The following TTC27 variants were observed in gnomAD, a reference collection of about 807,000 sequenced individuals.
TTC27 encodes the protein tetratricopeptide repeat protein 27.
In TTC27, 79 loss-of-function variants were observed where a neutral mutation model predicts 115.9. That is an observed-to-expected ratio of 0.68 (90% confidence interval 0.57 to 0.82). The LOEUF (loss-of-function observed/expected upper bound fraction) is 0.82, where lower values mean the gene tolerates loss of function less well. Ranked by LOEUF, TTC27 falls within the 40% of genes least tolerant of loss-of-function variation. The pLI is 0.00. For synonymous variants in TTC27, 401 were observed against 356.0 expected (o/e 1.13, Z -1.42); for missense variants, 1,054 against 993.1 (o/e 1.06, Z -0.82).
chr2:32,655,697 A>G (rs1448342005), intron 5 of TTC27, among the ~76,000 whole-genome samples: 1 of 149,224 alleles, frequency 6.7e-6, no homozygotes, highest in Non-Finnish European at 1.5e-5. Context: ...GAAGGAGCTC[A>G]TTTCATTGTT....
chr2:32,634,420 C>G (rs894258581), intron 3 of TTC27, among the ~76,000 whole-genome samples: 6 of 151,672 alleles, frequency 4.0e-5, no homozygotes, highest in African/African-American at 1.5e-4. Context: ...CTCAGCCTCC[C>G]AAGTAGTTGG....
chr2:32,809,214 A>T (rs1257799541), intron 16 of TTC27, among the ~76,000 whole-genome samples: 1 of 152,222 alleles, frequency 6.6e-6, no homozygotes, highest in African/African-American at 2.4e-5. Flanking sequence ...TTCTAGGAGG[A>T]GACAGCAAGA....
chr2:32,657,171 G>C (rs544894901), intron 5 of TTC27, among the ~76,000 whole-genome samples: 2 of 151,478 alleles, frequency 1.3e-5, no homozygotes, highest in African/African-American at 4.9e-5. Flanking sequence ...ATTTTCAGTA[G>C]AGACGGGGTT....
intron 18 of TTC27, among the ~76,000 whole-genome samples, chr2:32,815,005 T>C (rs1161658016): frequency 6.6e-6 from 1 of 152,170 alleles, no homozygotes; most frequent in African/African-American, 2.4e-5. Flanking sequence ...GATAAGATAT[T>C]GCGACCTTGA....
rs186775454 is a variant in TTC27 at position 32,790,165 on chromosome 2, T to C, written c.1998+3016T>C. Among the ~76,000 whole-genome samples, 6 of 152,162 alleles carry C rather than the reference T, an allele frequency of 3.9e-5. No homozygotes were observed. In the East Asian group the frequency reaches 1.2e-3, roughly 29 times the overall value. On this transcript the variant is annotated intron_variant, in intron 16 of 19. Transcript: ENST00000317907. ...TCTTAGCTTTTTACTCCTGTAATCATGGGGAATTTTCAATATAGCAAAATT... is the reference window on the plus strand; with the variant it reads ...TCTTAGCTTTTTACTCCTGTAATCACGGGGAATTTTCAATATAGCAAAATT...
intron 9 of TTC27, among the ~76,000 whole-genome samples, chr2:32,682,178 T>C (rs913314930): frequency 6.6e-6 from 1 of 152,074 alleles, no homozygotes; most frequent in Non-Finnish European, 1.5e-5. Context: ...GAATGAAATA[T>C]ATATCCTACA....
chr2:32,814,721 C>T (rs2148050285), intron 18 of TTC27, among the ~76,000 whole-genome samples: 1 of 152,268 alleles, frequency 6.6e-6, no homozygotes, highest in African/African-American at 2.4e-5. Flanking sequence ...TGATTGCCTG[C>T]AGTGTTCAGT....
intron 9 of TTC27, among the ~76,000 whole-genome samples, chr2:32,690,143 A>C (rs998405344): frequency 1.3e-5 from 2 of 152,224 alleles, no homozygotes; most frequent in Non-Finnish European, 2.9e-5. Flanking sequence ...GAAGAAAAAA[A>C]CATGGTTTTG....
At chr2:32,629,655 G>A (rs779561929) in intron 1 of TTC27, among the ~76,000 whole-genome samples, 4 of 146,166 alleles carry the variant, frequency 2.7e-5, no homozygotes, top group African/African-American at 7.6e-5. Flanking sequence ...TAGCCAGGAT[G>A]GTCTCGATCT....
intron 7 of TTC27, among the ~76,000 whole-genome samples, chr2:32,670,790 G>C (rs1665986009): frequency 6.6e-6 from 1 of 151,618 alleles, no homozygotes; most frequent in African/African-American, 2.4e-5. Flanking sequence ...GCTAATTTTT[G>C]TATTTTTGGT....
chr2:32,777,752 G>A, intron 13 of TTC27, 130 bp from the exon 14 acceptor site: 2 of 797,444 alleles, frequency 2.5e-6, no homozygotes, highest in Non-Finnish European at 3.9e-6. Flanking sequence ...TAAATGTAAG[G>A]CAAATATTTA....
chr2:32,654,836 C>G (rs1665258875), intron 5 of TTC27, among the ~76,000 whole-genome samples: 1 of 151,316 alleles, frequency 6.6e-6, no homozygotes, highest in South Asian at 2.1e-4. Flanking sequence ...GCTGAGATCA[C>G]AGGTGCCCAC....
At position 32,816,456 on chromosome 2, in the gene TTC27, G is replaced by A. The variant is rs369399592; in HGVS notation, c.2309-1001G>A. On this transcript the variant is annotated intron_variant, in intron 18 of 19. Coordinates refer to ENST00000317907, the MANE Select transcript of TTC27 (RefSeq NM_017735.5). ...TTTGAATTTAGTGAGCATAATTTAG[G>A]GAACAAAACCAAGAACAAGCCAGTG... Among the ~76,000 whole-genome samples the A allele has an allele frequency of 9.9e-5, 15 of 152,208 alleles. No individual in the cohort carries two copies. The South Asian group carries it at 2.5e-3, about 25-fold the overall frequency.
intron 1 of TTC27, 125 bp from the exon 2 acceptor site, chr2:32,630,398 G>A (rs1664135237): frequency 1.5e-6 from 1 of 664,252 alleles, no homozygotes; most frequent in South Asian, 2.3e-5. Context: ...CTGACATACA[G>A]TAATCATTCT....
Position 32,782,643 on chromosome 2 carries a change from C to G in TTC27, c.1797C>G (p.Asn599Lys). The G allele has an allele frequency of 6.2e-7, 1 of 1,611,708 alleles. No homozygotes were observed. The highest frequency in any genetic ancestry group is 2.2e-5 in the East Asian group (1 of 44,656). The change falls in exon 15 of 20, where the codon AAC becomes AAG. Residue 599 changes from asparagine to lysine, a missense_variant. By Grantham distance (94) the Asn-to-Lys change is moderately conservative. Coordinates refer to ENST00000317907, the MANE Select transcript of TTC27 (RefSeq NM_017735.5). ...CATTTCAGAATGCTGAAGCTTGGAA[C>G]AATTTGTCAACTTCCTATATCCGAT... ...TLEPDNAEAW[N>K]NLSTSYIRLK...
At chr2:32,666,796 C>A in intron 7 of TTC27, 28 bp downstream of exon 7, 1 of 1,606,780 alleles carries the variant, frequency 6.2e-7, no homozygotes, top group South Asian at 1.1e-5. Context: ...TTATTAAATT[C>A]AATTAACACC....
At chr2:32,774,183 C>CT (rs35405720) in intron 13 of TTC27, among the ~76,000 whole-genome samples, 53,340 of 139,718 alleles carry the variant, frequency 0.38, 10,359 homozygotes, top group South Asian at 0.61. Context: ...CTTCCTTTTA[C>CT]TTTTTTTTTT....
intron 12 of TTC27, among the ~76,000 whole-genome samples, chr2:32,756,277 C>T (rs749562353): frequency 6.6e-6 from 1 of 152,228 alleles, no homozygotes; most frequent in Non-Finnish European, 1.5e-5. Context: ...TGCCTTCAAT[C>T]ACGCAGTGAG....
chr2:32,792,714 A>C (rs1374787785), intron 16 of TTC27, among the ~76,000 whole-genome samples: 2 of 152,182 alleles, frequency 1.3e-5, no homozygotes, highest in African/African-American at 4.8e-5. Flanking sequence ...TAATGGGTTA[A>C]GGCAGTCCTA....
Sources: allele counts gnomAD v4.1 joint callset (sites outside exome capture counted in the v4.1 genomes callset), GRCh38; gene constraint gnomAD v4.1.1; transcripts MANE v1.5; gene names NCBI Gene and HGNC (gene_info 2026-07-23, HGNC 2026-07-21).